The following CARMIL1 variants were observed in gnomAD, a reference collection of about 807,000 sequenced individuals.
CARMIL1 encodes capping protein regulator and myosin 1 linker 1, also known as F-actin-uncapping protein LRRC16A.
In CARMIL1, 90 loss-of-function variants were observed where a neutral mutation model predicts 177.1. That is an observed-to-expected ratio of 0.51 (90% CI 0.43 to 0.61). The LOEUF (loss-of-function observed/expected upper bound fraction) is 0.61. CARMIL1 is among the 20% of genes least tolerant of loss of function. The probability of loss-of-function intolerance (pLI) is 0.00; values close to 1 mark genes in which losing one functional copy is unlikely to be tolerated. For synonymous variants in CARMIL1, 577 were observed against 606.2 expected (o/e 0.95, Z 0.71); for missense variants, 1,380 against 1,667.0 (o/e 0.83, Z 3.00).
At chr6:25,608,131 T>C (rs3804107) in intron 35 of CARMIL1, among the ~76,000 whole-genome samples, 98,766 of 151,910 alleles carry the variant, frequency 0.65, 32,450 homozygotes, top group East Asian at 0.83. Flanking sequence ...AATAAAGAAA[T>C]AGTTCTTATA....
intron 2 of CARMIL1, among the ~76,000 whole-genome samples, chr6:25,300,989 A>G (rs933702885): frequency 1.3e-5 from 2 of 152,204 alleles, no homozygotes; most frequent in African/African-American, 4.8e-5. Flanking sequence ...TGCTGGTCAT[A>G]TTGGCTTCCC....
At chr6:25,481,836 A>C (rs1329905786) in intron 11 of CARMIL1, among the ~76,000 whole-genome samples, 4 of 152,216 alleles carry the variant, frequency 2.6e-5, no homozygotes, top group Non-Finnish European at 4.4e-5. Context: ...AGAATAGTTA[A>C]TATTACTCCA....
chr6:25,441,130 A>G lies in CARMIL1; in HGVS notation c.371+5526A>G, dbSNP rs951567124. 2.6e-5 allele frequency among the ~76,000 whole-genome samples: 4 copies of G among 152,036 alleles called. No individual in the cohort carries two copies. The East Asian group carries it at 5.8e-4, about 22-fold the overall frequency. On this transcript the variant is annotated intron_variant, in intron 5 of 36. Transcript: ENST00000329474. The stretch of plus-strand genomic sequence containing the variant: ...TGAAAATATACAGCCTGGGCAACAT[A>G]GTGAGACCTCATTTCTACTAAGAAA...
At chr6:25,330,255 C>T (rs972516596) in intron 2 of CARMIL1, among the ~76,000 whole-genome samples, 1 of 152,100 alleles carries the variant, frequency 6.6e-6, no homozygotes, top group African/African-American at 2.4e-5. Flanking sequence ...GAGGGATGCT[C>T]CATGGTGATG....
intron 3 of CARMIL1, among the ~76,000 whole-genome samples, chr6:25,421,755 T>C (rs1795875940): frequency 6.7e-6 from 1 of 149,794 alleles, no homozygotes; most frequent in Non-Finnish European, 1.5e-5. Flanking sequence ...TCATTCTCAG[T>C]AAACTATCAC....
intron 2 of CARMIL1, among the ~76,000 whole-genome samples, chr6:25,306,222 C>T (rs1783245775): frequency 6.6e-6 from 1 of 152,050 alleles, no homozygotes; most frequent in Non-Finnish European, 1.5e-5. Flanking sequence ...TGTCATTTAG[C>T]AGAAGGGTCC....
intron 5 of CARMIL1, among the ~76,000 whole-genome samples, chr6:25,440,715 C>A (rs1581948825): frequency 6.6e-6 from 1 of 152,030 alleles, no homozygotes; most frequent in African/African-American, 2.4e-5. Context: ...ATAGAACATG[C>A]AAAATAAAAT....
intron 2 of CARMIL1, among the ~76,000 whole-genome samples, chr6:25,309,765 T>A (rs1387505200): frequency 8.6e-6 from 1 of 116,770 alleles, no homozygotes; most frequent in Non-Finnish European, 1.6e-5. Flanking sequence ...ATATACCACA[T>A]CTTTTTTTTT....
At position 25,405,664 on chromosome 6, in the gene CARMIL1, A is replaced by C. The variant is rs149077891; in HGVS notation, c.139-14450A>C. Among the ~76,000 whole-genome samples, 261 of 152,364 alleles carry C rather than the reference A, an allele frequency of 1.7e-3. 1 individual carries two copies. The highest frequency in any genetic ancestry group is 3.9e-3 in the Admixed American group (60 of 15,310). On this transcript the variant is annotated intron_variant, in intron 2 of 36. Transcript: ENST00000329474. The stretch of plus-strand genomic sequence containing the variant: ...AAAGGCAGGGGTGTCAGCACTTGAC[A>C]CTTCTATGCCTTTCCTCTACTAGGC...
At chr6:25,578,236 C>T (rs1812780920) in intron 29 of CARMIL1, among the ~76,000 whole-genome samples, 1 of 152,040 alleles carries the variant, frequency 6.6e-6, no homozygotes, top group Non-Finnish European at 1.5e-5. Flanking sequence ...GACTAAGAAA[C>T]AGTTTGAAAA....
At chr6:25,580,216 C>A (rs765830013) in intron 29 of CARMIL1, among the ~76,000 whole-genome samples, 6 of 152,206 alleles carry the variant, frequency 3.9e-5, no homozygotes, top group Non-Finnish European at 8.8e-5. Flanking sequence ...AAGCTTCCCT[C>A]CGTCTTTGAC....
At chr6:25,329,176 T>C (rs1452127467) in intron 2 of CARMIL1, among the ~76,000 whole-genome samples, 2 of 152,162 alleles carry the variant, frequency 1.3e-5, no homozygotes, top group African/African-American at 2.4e-5. Context: ...TATTTATAAA[T>C]TGGGAGATAT....
intron 22 of CARMIL1, among the ~76,000 whole-genome samples, chr6:25,518,869 A>G (rs1806268124): frequency 6.6e-6 from 1 of 152,260 alleles, no homozygotes; most frequent in Non-Finnish European, 1.5e-5. Flanking sequence ...GGATGAGGGA[A>G]AGAAAAATTG....
intron 2 of CARMIL1, among the ~76,000 whole-genome samples, chr6:25,349,668 C>T (rs1228654995): frequency 6.6e-6 from 1 of 151,874 alleles, no homozygotes; most frequent in African/African-American, 2.4e-5. Context: ...GGCGGCCCTT[C>T]ACCATGGGCA....
At position 25,279,774 on chromosome 6, in the gene CARMIL1, C is replaced by A. The variant is rs1263188134; in HGVS notation, c.-22C>A. The A allele has an allele frequency of 6.2e-7, 1 of 1,613,490 alleles. No individual in the cohort carries two copies. Among genetic ancestry groups the A allele is most frequent in the South Asian group, 1.1e-5 (1 of 91,066 alleles). On this transcript the variant is annotated 5_prime_UTR_variant, in exon 1 of 37. Coordinates refer to ENST00000329474, the MANE Select transcript of CARMIL1 (RefSeq NM_017640.6). ...TAAATCAGAGTTGGACCTGCAATAA[C>A]CCCCACACCTACAGGGCAACCATGA...
intron 3 of CARMIL1, among the ~76,000 whole-genome samples, chr6:25,424,382 G>A (rs750577537): frequency 1.3e-5 from 2 of 152,076 alleles, no homozygotes; most frequent in African/African-American, 2.4e-5. Context: ...TACAGTAGAC[G>A]CATCTTAATT....
intron 23 of CARMIL1, among the ~76,000 whole-genome samples, chr6:25,524,294 T>A (rs1353457756): frequency 1.3e-5 from 2 of 152,112 alleles, no homozygotes; most frequent in African/African-American, 2.4e-5. Flanking sequence ...ATAGAATACT[T>A]CCCCTTCCTA....
intron 2 of CARMIL1, among the ~76,000 whole-genome samples, chr6:25,385,817 T>C (rs985288674): frequency 2.0e-5 from 3 of 152,234 alleles, no homozygotes; most frequent in Non-Finnish European, 4.4e-5. Flanking sequence ...TTCCAGTCTG[T>C]AGATTATTCT....
chr6:25,500,225 G>A lies in CARMIL1; in HGVS notation c.1385G>A (p.Ser462Asn). 6.2e-7 allele frequency: 1 copy of A among 1,613,802 alleles called. No homozygotes were observed. The highest frequency in any genetic ancestry group is 1.1e-5 in the South Asian group (1 of 91,068). The change falls in exon 17 of 37, where the codon AGC becomes AAC. Residue 462 changes from serine (S) to asparagine (N), a missense_variant. Coordinates refer to ENST00000329474, the MANE Select transcript of CARMIL1 (RefSeq NM_017640.6). ...HNLKGVSLDL[S>N]NCELRSGGAQ... is the part of the protein sequence containing the mutation. The stretch of plus-strand genomic sequence containing the variant: ...TTGAAAGGGGTTTCTCTGGATCTCA[G>A]CAACTGTGAGGTAAGAACACCCTTA...
Sources: gnomAD v4.1 joint callset for allele counts (sites outside exome capture counted in the v4.1 genomes callset) on GRCh38, gnomAD v4.1.1 for gene constraint, MANE v1.5 for transcripts, NCBI Gene and HGNC (gene_info 2026-07-23, HGNC 2026-07-21) for gene names.